ERBB4: variants seen among roughly 807,000 people sequenced by gnomAD.
ERBB4 encodes receptor tyrosine-protein kinase erbB-4.
In ERBB4, 42 loss-of-function variants were observed where a neutral mutation model predicts 158.0. The ratio of observed to expected loss-of-function variants is 0.27; its 90% confidence interval spans 0.21 to 0.34. The LOEUF (loss-of-function observed/expected upper bound fraction) is 0.34, where lower values mean the gene tolerates loss of function less well. Ranked by LOEUF, ERBB4 falls within the 10% of genes least tolerant of loss-of-function variation. The probability of loss-of-function intolerance (pLI) is 1.00; values close to 1 mark genes in which losing one functional copy is unlikely to be tolerated. For missense variants in ERBB4, 1,333 were observed against 1,624.1 expected, an observed-to-expected ratio of 0.82 and a Z score of 3.08; for synonymous variants, 583 against 558.7, an observed-to-expected ratio of 1.04 and a Z score of -0.61.
intron 19 of ERBB4, among the ~76,000 whole-genome samples, chr2:211,589,155 A>C (rs1427540479): frequency 3.9e-5 from 6 of 152,174 alleles, no homozygotes; most frequent in Non-Finnish European, 8.8e-5. Context: ...GGCCAAGTCA[A>C]AAGTATTTCC....
chr2:212,402,950 A>G (rs1401714977), intron 1 of ERBB4, among the ~76,000 whole-genome samples: 1 of 152,064 alleles, frequency 6.6e-6, no homozygotes, highest in Non-Finnish European at 1.5e-5. Context: ...TGTTTCCCAT[A>G]TGCAAATAAA....
chr2:211,627,294 G>A (rs2069896315), intron 17 of ERBB4, among the ~76,000 whole-genome samples: 1 of 152,206 alleles, frequency 6.6e-6, no homozygotes, highest in Non-Finnish European at 1.5e-5. Flanking sequence ...CACATGTGTT[G>A]TGTCCAAACT....
chr2:211,772,949 ATATATATT>A (rs1397582979), intron 4 of ERBB4, among the ~76,000 whole-genome samples: 2 of 75,048 alleles, frequency 2.7e-5, no homozygotes, highest in African/African-American at 1.5e-4. Context: ...ATATATATAT[ATATATATT>A]TTTTTTTTTA....
chr2:211,838,845 C>A (rs2077399927), intron 3 of ERBB4, among the ~76,000 whole-genome samples: 1 of 152,042 alleles, frequency 6.6e-6, no homozygotes, highest in South Asian at 2.1e-4. Flanking sequence ...AACTGGATCA[C>A]CTTCCAACAT....
In ERBB4 at chr2:212,018,724, G is replaced by A. The variant is rs563586735; in HGVS notation, c.235-71108C>T. Among the ~76,000 whole-genome samples, 6 of 152,232 alleles carry A rather than the reference G, an allele frequency of 3.9e-5. No individual in the cohort carries two copies. In the South Asian group the frequency reaches 1.2e-3, roughly 32 times the overall value. On this transcript the variant is annotated intron_variant, in intron 2 of 27. Transcript: ENST00000342788. ...AGACCCTCTGGGTCTGTATTTGTCA[G>A]TTCTTTTCAAAATCTCTTTCAATGA... is the stretch of plus-strand genomic sequence containing the variant.
chr2:212,517,906 T>C (rs1691933756), intron 1 of ERBB4, among the ~76,000 whole-genome samples: 2 of 152,086 alleles, frequency 1.3e-5, no homozygotes, highest in South Asian at 4.1e-4. Flanking sequence ...ACCTTGTTAT[T>C]ATAAGAATTA....
intron 2 of ERBB4, among the ~76,000 whole-genome samples, chr2:211,980,914 C>T (rs1217368815): frequency 6.6e-6 from 1 of 151,972 alleles, no homozygotes; most frequent in Non-Finnish European, 1.5e-5. Flanking sequence ...TTGAGTAGAT[C>T]ATCACTGCTT....
chr2:212,346,722 T>C (rs2089019733), intron 1 of ERBB4, among the ~76,000 whole-genome samples: 1 of 152,106 alleles, frequency 6.6e-6, no homozygotes, highest in Admixed American at 6.5e-5. Context: ...TTCATAACTT[T>C]TCTAGATCTA....
intron 2 of ERBB4, among the ~76,000 whole-genome samples, chr2:212,082,137 A>T (rs2078464303): frequency 1.3e-5 from 2 of 152,144 alleles, no homozygotes; most frequent in African/African-American, 4.8e-5. Flanking sequence ...CTATCTCTTG[A>T]AAGAGAATTT....
intron 2 of ERBB4, among the ~76,000 whole-genome samples, chr2:212,024,656 T>G (rs1468800603): frequency 6.6e-6 from 1 of 151,922 alleles, no homozygotes; most frequent in Non-Finnish European, 1.5e-5. Flanking sequence ...ACCTATCACT[T>G]CCTACTTACC....
intron 19 of ERBB4, among the ~76,000 whole-genome samples, chr2:211,602,281 T>G (rs974807945): frequency 1.3e-5 from 2 of 152,148 alleles, no homozygotes; most frequent in Admixed American, 1.3e-4. Flanking sequence ...ACGATCTGCC[T>G]GCTCTCCAGG....
intron 20 of ERBB4, among the ~76,000 whole-genome samples, chr2:211,557,709 C>A (rs1425309815): frequency 6.6e-6 from 1 of 152,098 alleles, no homozygotes; most frequent in African/African-American, 2.4e-5. Flanking sequence ...AGCAGTCTAG[C>A]AATTCCTCAA....
chr2:212,527,119 C>T (rs1304417937), intron 1 of ERBB4, among the ~76,000 whole-genome samples: 1 of 151,952 alleles, frequency 6.6e-6, no homozygotes, highest in Non-Finnish European at 1.5e-5. Context: ...CTTTAAAGTA[C>T]ATCCAACCAT....
chr2:211,741,986 A>T (rs986166430), intron 5 of ERBB4, among the ~76,000 whole-genome samples: 10 of 152,230 alleles, frequency 6.6e-5, no homozygotes, highest in Admixed American at 6.5e-4. Flanking sequence ...TGTTTACTTT[A>T]ATTTTACAAT....
chr2:211,398,898 T>C (rs1003585756), intron 25 of ERBB4, among the ~76,000 whole-genome samples: 2 of 152,188 alleles, frequency 1.3e-5, no homozygotes, highest in African/African-American at 4.8e-5. Context: ...CCATTATTTG[T>C]GGCATTGGAG....
At chr2:212,194,676 T>A (rs1242133044) in intron 1 of ERBB4, among the ~76,000 whole-genome samples, 1 of 151,970 alleles carries the variant, frequency 6.6e-6, no homozygotes, top group Non-Finnish European at 1.5e-5. Flanking sequence ...AAAATGGTAG[T>A]CCTTAGAGAC....
rs556037111 is a variant in ERBB4, at chr2:211,575,863, G to A, written c.2302-13775C>T. On this transcript the variant is annotated intron_variant, in intron 19 of 27. Coordinates refer to ENST00000342788, the MANE Select transcript of ERBB4 (RefSeq NM_005235.3). Reference sequence around the variant, plus strand: ...CTCTTATAGCTTCATGCTTATGTAGGATAATTTATATGTAGAAATCATTTG... The same window carrying A: ...CTCTTATAGCTTCATGCTTATGTAGAATAATTTATATGTAGAAATCATTTG... 1.9e-4 allele frequency among the ~76,000 whole-genome samples: 29 copies of A among 152,064 alleles called. No homozygotes were observed. The South Asian group carries it at 5.4e-3, about 28-fold the overall frequency.
At chr2:211,526,085 A>G (rs1033711538) in intron 20 of ERBB4, among the ~76,000 whole-genome samples, 1 of 152,118 alleles carries the variant, frequency 6.6e-6, no homozygotes, top group Non-Finnish European at 1.5e-5. Flanking sequence ...GTAGAGTCCT[A>G]GGGCCTGGAG....
chr2:211,721,295 T>A (rs1317633904), intron 7 of ERBB4, among the ~76,000 whole-genome samples: 3 of 152,120 alleles, frequency 2.0e-5, no homozygotes, highest in African/African-American at 7.2e-5. Flanking sequence ...CAGCCTGTAC[T>A]TCCTACTGTA....
Sources: gnomAD v4.1 joint callset for allele counts (sites outside exome capture counted in the v4.1 genomes callset) on GRCh38, gnomAD v4.1.1 for gene constraint, MANE v1.5 for transcripts, NCBI Gene and HGNC (gene_info 2026-07-23, HGNC 2026-07-21) for gene names.